Variants in GPC6 observed in about 807,000 individuals in gnomAD.
The protein encoded by GPC6 is glypican-6.
In GPC6, 14 loss-of-function variants were observed where a neutral mutation model predicts 55.2. The ratio of observed to expected loss-of-function variants is 0.25; its 90% CI spans 0.17 to 0.40. GPC6 has a LOEUF of 0.40. GPC6 is among the 10% of genes least tolerant of loss of function. GPC6 has a pLI of 1.00. For missense variants in GPC6, 641 were observed against 708.5 expected (o/e 0.90, Z 1.08); for synonymous variants, 278 against 259.6 (o/e 1.07, Z -0.68).
chr13:94,050,864 T>C (rs1883923085), intron 4 of GPC6, among the ~76,000 whole-genome samples: 1 of 152,130 alleles, frequency 6.6e-6, no homozygotes, highest in Non-Finnish European at 1.5e-5. Flanking sequence ...TGCCTACCAG[T>C]AAGAGGCAAT....
intron 4 of GPC6, among the ~76,000 whole-genome samples, chr13:94,123,634 A>G (rs1012704275): frequency 6.6e-6 from 1 of 151,906 alleles, no homozygotes; most frequent in Non-Finnish European, 1.5e-5. Flanking sequence ...ACTTCCCAAA[A>G]TGCCACAAAT....
intron 4 of GPC6, among the ~76,000 whole-genome samples, chr13:94,234,473 C>T (rs545612904): frequency 1.1e-4 from 16 of 148,860 alleles, no homozygotes; most frequent in African/African-American, 3.2e-4. Flanking sequence ...GAAAATATGT[C>T]TCTGTTGAAC....
chr13:94,348,780 G>T lies in GPC6; in HGVS notation c.1153-33634G>T, dbSNP rs182177282. ...TCTCATGCATACATCTTGAATCCCT[G>T]ATTAAATGTTTAGCCCCTTGAGGAC... On this transcript the variant is annotated intron_variant, in intron 6 of 8. Transcript: ENST00000377047. Among the ~76,000 whole-genome samples the T allele has an allele frequency of 4.2e-3, 633 of 152,240 alleles. 4 individuals carry two copies. Among genetic ancestry groups the T allele is most frequent in the Non-Finnish European group, 6.7e-3 (456 of 68,020 alleles).
At chr13:93,576,830 A>G (rs1462458819) in intron 2 of GPC6, among the ~76,000 whole-genome samples, 4 of 152,150 alleles carry the variant, frequency 2.6e-5, no homozygotes, top group Non-Finnish European at 4.4e-5. Context: ...TATATATTGC[A>G]TTGTTGAGTG....
intron 2 of GPC6, among the ~76,000 whole-genome samples, chr13:93,601,837 T>C (rs1694449230): frequency 6.6e-6 from 1 of 152,268 alleles, no homozygotes; most frequent in Admixed American, 6.5e-5. Context: ...AGCATGGCGA[T>C]GGCAGGAACT....
rs149984506 is a variant in GPC6, at chr13:93,735,940, C to T, written c.320-94214C>T. Among the ~76,000 whole-genome samples the T allele has an allele frequency of 1.1e-4, 17 of 152,270 alleles. No individual in the cohort carries two copies. The East Asian group carries it at 3.3e-3, about 29-fold the overall frequency. On this transcript the variant is annotated intron_variant, in intron 2 of 8. Coordinates refer to ENST00000377047, the MANE Select transcript of GPC6 (RefSeq NM_005708.5). ...TTGCCCAAGGGTCTTGTTCCTTTTG[C>T]CTATGGGCGTGACAGTTTATAACTT...
intron 2 of GPC6, among the ~76,000 whole-genome samples, chr13:93,567,378 G>A (rs142051705): frequency 7.4e-4 from 112 of 152,266 alleles, no homozygotes; most frequent in Middle Eastern, 3.4e-3. Flanking sequence ...TTGAAGTAGC[G>A]CATAAGGGAT....
At chr13:93,778,808 A>T (rs1448888270) in intron 2 of GPC6, among the ~76,000 whole-genome samples, 16 of 152,164 alleles carry the variant, frequency 1.1e-4, no homozygotes, top group Admixed American at 1.0e-3. Flanking sequence ...TTCCCATGGG[A>T]AAATATGTGG....
At chr13:93,483,400 A>G (rs2139344432) in intron 1 of GPC6, among the ~76,000 whole-genome samples, 1 of 152,288 alleles carries the variant, frequency 6.6e-6, no homozygotes, top group South Asian at 2.1e-4. Context: ...CTGGTTTGAT[A>G]TACTTTGTGT....
At chr13:93,587,090 C>T (rs768328658) in intron 2 of GPC6, among the ~76,000 whole-genome samples, 3 of 152,130 alleles carry the variant, frequency 2.0e-5, no homozygotes, top group Non-Finnish European at 2.9e-5. Flanking sequence ...GCTTGCACTG[C>T]AACTTTCTTA....
intron 4 of GPC6, among the ~76,000 whole-genome samples, chr13:94,250,794 C>A (rs905933156): frequency 3.3e-5 from 5 of 152,054 alleles, no homozygotes; most frequent in African/African-American, 1.2e-4. Flanking sequence ...ATTGATTAAG[C>A]TGGGTGAAGG....
chr13:93,522,527 CT>C (rs1195542716), intron 1 of GPC6, among the ~76,000 whole-genome samples: 1 of 151,720 alleles, frequency 6.6e-6, no homozygotes, highest in Non-Finnish European at 1.5e-5. Flanking sequence ...AAATATTATC[CT>C]TTAACAATAT....
chr13:93,302,111 G>A (rs1157694656), intron 1 of GPC6, among the ~76,000 whole-genome samples: 1 of 152,016 alleles, frequency 6.6e-6, no homozygotes, highest in Non-Finnish European at 1.5e-5. Flanking sequence ...GCTTTATGAG[G>A]GCCTCTGTTT....
At chr13:93,893,553 C>T (rs1056075317) in intron 3 of GPC6, among the ~76,000 whole-genome samples, 1 of 152,074 alleles carries the variant, frequency 6.6e-6, no homozygotes, top group African/African-American at 2.4e-5. Flanking sequence ...GTTATTTAAC[C>T]CTCTTGTGTT....
chr13:93,944,436 CTT>C (rs1878899667), intron 3 of GPC6, among the ~76,000 whole-genome samples: 1 of 152,096 alleles, frequency 6.6e-6, no homozygotes, highest in Non-Finnish European at 1.5e-5. Flanking sequence ...GATCTCCTGA[CTT>C]TGTGATCCGC....
intron 8 of GPC6, among the ~76,000 whole-genome samples, chr13:94,400,337 C>T (rs925806827): frequency 6.6e-6 from 1 of 152,112 alleles, no homozygotes; most frequent in African/African-American, 2.4e-5. Context: ...TTTTTCCAGC[C>T]AAAATCTCCT....
At chr13:94,181,860 GCTATACTT>G (rs1693009462) in intron 4 of GPC6, among the ~76,000 whole-genome samples, 1 of 152,200 alleles carries the variant, frequency 6.6e-6, no homozygotes, top group African/African-American at 2.4e-5. Context: ...AGTGCCTGGT[GCTATACTT>G]CACATCCATT....
chr13:93,584,542 T>A lies in GPC6; in HGVS notation c.319+39121T>A, dbSNP rs146179981. ...CAGTGGTAATTTCTAATATGATAAG[T>A]AGTTTTATAGATATAGCCCACATAA... On this transcript the variant is annotated intron_variant, in intron 2 of 8. Coordinates refer to ENST00000377047, the MANE Select transcript of GPC6 (RefSeq NM_005708.5). Among the ~76,000 whole-genome samples, 686 of 152,266 alleles carry A rather than the reference T, an allele frequency of 4.5e-3. 4 individuals are homozygous for A. The highest frequency in any genetic ancestry group is 0.02 in the Middle Eastern group (6 of 294).
At chr13:94,273,839 G>A (rs1892120441) in intron 4 of GPC6, among the ~76,000 whole-genome samples, 1 of 152,116 alleles carries the variant, frequency 6.6e-6, no homozygotes, top group African/African-American at 2.4e-5. Context: ...TAAATTCTAT[G>A]ACTCATCTTT....
Sources: allele counts gnomAD v4.1 joint callset (sites outside exome capture counted in the v4.1 genomes callset), GRCh38; gene constraint gnomAD v4.1.1; transcripts MANE v1.5; gene names NCBI Gene and HGNC (gene_info 2026-07-23, HGNC 2026-07-21).